Variants in GPR158 observed in about 807,000 individuals in gnomAD.
GPR158 encodes the protein metabotropic glycine receptor.
Under a neutral mutation model 78.2 loss-of-function variants are expected in GPR158, and 30 were observed. The observed-to-expected ratio is 0.38, with a 90% CI of 0.29 to 0.52. The LOEUF (loss-of-function observed/expected upper bound fraction) is 0.52, where lower values mean the gene tolerates loss of function less well. Ranked by LOEUF, GPR158 falls within the 20% of genes least tolerant of loss-of-function variation. The probability of loss-of-function intolerance (pLI) is 0.83; values close to 1 mark genes in which losing one functional copy is unlikely to be tolerated. For synonymous variants in GPR158, 581 were observed against 591.1 expected, an observed-to-expected ratio of 0.98 and a Z score of 0.25; for missense variants, 1,463 against 1,523.5, an observed-to-expected ratio of 0.96 and a Z score of 0.66.
intron 5 of GPR158, among the ~76,000 whole-genome samples, chr10:25,505,551 A>C (rs151337244): frequency 6.6e-6 from 1 of 152,180 alleles, no homozygotes; most frequent in South Asian, 2.1e-4. Context: ...TTTCAAAAAC[A>C]TGAGTTTGAC....
chr10:25,451,118 T>G (rs1835210639), intron 4 of GPR158, among the ~76,000 whole-genome samples: 1 of 152,232 alleles, frequency 6.6e-6, no homozygotes, highest in South Asian at 2.1e-4. Flanking sequence ...GTAAACATTC[T>G]TGTGCATATA....
At chr10:25,574,079 G>GGAAAAATCATTTCCTTGCATTCCAA (rs1564494225) in intron 7 of GPR158, among the ~76,000 whole-genome samples, 1 of 142,176 alleles carries the variant, frequency 7.0e-6, no homozygotes, top group African/African-American at 2.6e-5. Flanking sequence ...AGGTTAACCA[G>GGAAAAATCATTTCCTTGCATTCCAA]ATAGGAAAAA....
At chr10:25,234,662 G>A (rs1429955244) in intron 2 of GPR158, among the ~76,000 whole-genome samples, 1 of 152,144 alleles carries the variant, frequency 6.6e-6, no homozygotes, top group African/African-American at 2.4e-5. Flanking sequence ...GCAGCCCTAA[G>A]TGTATATAAA....
intron 2 of GPR158, among the ~76,000 whole-genome samples, chr10:25,391,150 A>C (rs1834291817): frequency 6.6e-6 from 1 of 152,228 alleles, no homozygotes; most frequent in African/African-American, 2.4e-5. Context: ...CTGGATGTCC[A>C]GTCAGAGGTG....
chr10:25,394,171 C>T (rs1834338355), intron 2 of GPR158, among the ~76,000 whole-genome samples: 1 of 152,146 alleles, frequency 6.6e-6, no homozygotes, highest in Non-Finnish European at 1.5e-5. Flanking sequence ...TTTTTCTTTT[C>T]CTCTTATACC....
At chr10:25,597,561 C>G (rs150280078) in intron 10 of GPR158, among the ~76,000 whole-genome samples, 2 of 152,274 alleles carry the variant, frequency 1.3e-5, no homozygotes, top group African/African-American at 4.8e-5. Context: ...GAGTTCATGT[C>G]TTAAGGTCCA....
intron 2 of GPR158, among the ~76,000 whole-genome samples, chr10:25,235,036 A>G (rs1461711448): frequency 2.0e-5 from 3 of 152,214 alleles, no homozygotes. Flanking sequence ...TTAAATAGGT[A>G]AAATAATTTA....
intron 2 of GPR158, among the ~76,000 whole-genome samples, chr10:25,387,121 G>A (rs1390119393): frequency 6.6e-6 from 1 of 152,092 alleles, no homozygotes; most frequent in Non-Finnish European, 1.5e-5. Flanking sequence ...TTTCATGTAT[G>A]ATCTTTAATA....
At position 25,282,090 on chromosome 10, in the gene GPR158, T is replaced by C. The variant is rs528706443; in HGVS notation, c.1008+60933T>C. On this transcript the variant is annotated intron_variant, in intron 2 of 10. Transcript: ENST00000376351. ...ATAATCAAGCAACAAAACAGGTCAATCATTCCCCAAACTTCTTTGTGATGC... is the reference window on the plus strand; with the variant it reads ...ATAATCAAGCAACAAAACAGGTCAACCATTCCCCAAACTTCTTTGTGATGC... 9.2e-5 allele frequency among the ~76,000 whole-genome samples: 14 copies of C among 152,326 alleles called. No individual in the cohort carries two copies. The East Asian group carries it at 2.5e-3, about 27-fold the overall frequency.
At chr10:25,403,982 A>C (rs538061960) in intron 3 of GPR158, among the ~76,000 whole-genome samples, 10 of 152,092 alleles carry the variant, frequency 6.6e-5, no homozygotes, top group Non-Finnish European at 2.9e-5. Flanking sequence ...CAAAGAATGT[A>C]AACTTTTAAA....
At chr10:25,501,259 G>GTCTC (rs1401036074) in intron 5 of GPR158, among the ~76,000 whole-genome samples, 1 of 152,148 alleles carries the variant, frequency 6.6e-6, no homozygotes, top group Non-Finnish European at 1.5e-5. Context: ...GCACTGCGCA[G>GTCTC]TCTCACTCGG....
chr10:25,553,603 T>G (rs1213678256), intron 6 of GPR158, among the ~76,000 whole-genome samples: 1 of 152,124 alleles, frequency 6.6e-6, no homozygotes, highest in Non-Finnish European at 1.5e-5. Flanking sequence ...CTCCCCAGAT[T>G]TAGTGCTATA....
At chr10:25,383,621 G>T (rs147855238) in intron 2 of GPR158, among the ~76,000 whole-genome samples, 1 of 152,150 alleles carries the variant, frequency 6.6e-6, no homozygotes, top group Admixed American at 6.5e-5. Context: ...ATTGTAACAG[G>T]TGTGGGACTT....
intron 2 of GPR158, among the ~76,000 whole-genome samples, chr10:25,285,842 T>A (rs1854343598): frequency 6.6e-6 from 1 of 152,220 alleles, no homozygotes; most frequent in Admixed American, 6.5e-5. Context: ...TCTCCTTTGG[T>A]TGCCCTGAGA....
At chr10:25,378,825 T>C (rs992188693) in intron 2 of GPR158, among the ~76,000 whole-genome samples, 14 of 152,062 alleles carry the variant, frequency 9.2e-5, no homozygotes, top group Non-Finnish European at 1.8e-4. Context: ...AGGGTTTTGC[T>C]TTGTCACCCA....
intron 1 of GPR158, among the ~76,000 whole-genome samples, 200 bp from the exon 2 acceptor site, chr10:25,220,852 T>C (rs577406325): frequency 6.6e-6 from 1 of 152,300 alleles, no homozygotes; most frequent in Non-Finnish European, 1.5e-5. Context: ...GCTCCCTGCC[T>C]TTGGACTTAC....
intron 7 of GPR158, among the ~76,000 whole-genome samples, chr10:25,579,994 T>C (rs995216091): frequency 6.6e-6 from 1 of 152,184 alleles, no homozygotes; most frequent in Non-Finnish European, 1.5e-5. Flanking sequence ...TTAAGTTCTC[T>C]CCCCCTACCC....
At chr10:25,301,428 T>C (rs931008740) in intron 2 of GPR158, among the ~76,000 whole-genome samples, 1 of 152,188 alleles carries the variant, frequency 6.6e-6, no homozygotes, top group African/African-American at 2.4e-5. Context: ...GAATTCCTTA[T>C]TACAGTTCAA....
chr10:25,572,508 C>T (rs982689668), intron 6 of GPR158, 141 bp from the exon 7 acceptor site: 2 of 693,034 alleles, frequency 2.9e-6, no homozygotes, highest in Admixed American at 2.2e-5. Flanking sequence ...GTCTCTACAA[C>T]AAAAACAAAT....
Sources: gnomAD v4.1 joint callset for allele counts (sites outside exome capture counted in the v4.1 genomes callset) on GRCh38, gnomAD v4.1.1 for gene constraint, MANE v1.5 for transcripts, NCBI Gene and HGNC (gene_info 2026-07-23, HGNC 2026-07-21) for gene names.